Variants in EXTL3 observed in about 807,000 individuals in gnomAD.
The protein encoded by EXTL3 is exostosin like glycosyltransferase 3.
A neutral mutation model predicts 69.3 loss-of-function variants in EXTL3; 27 were observed. The observed-to-expected ratio is 0.39, with a 90% CI of 0.29 to 0.54. The LOEUF (loss-of-function observed/expected upper bound fraction) is 0.54. Ranked by LOEUF, EXTL3 falls within the 20% of genes least tolerant of loss-of-function variation. The pLI is 0.69. For synonymous variants in EXTL3, 511 were observed against 499.4 expected (o/e 1.02, Z -0.31); for missense variants, 1,003 against 1,231.8 (o/e 0.81, Z 2.78).
At chr8:28,734,644 G>T (rs927743118) in intron 4 of EXTL3, among the ~76,000 whole-genome samples, 1 of 152,320 alleles carries the variant, frequency 6.6e-6, no homozygotes, top group East Asian at 1.9e-4. Flanking sequence ...CCCAGGAGGT[G>T]GAGGTTGCAG....
chr8:28,713,492 T>C lies in EXTL3; in HGVS notation c.-534T>C. On this transcript the variant is annotated 5_prime_UTR_variant, in exon 2 of 7. Transcript: ENST00000220562. ...CCTGGAGGTTCACTCTTTCAAGAAG[T>C]CGTGTGCTGAGGTGTAATGCTACAC... The C allele has an allele frequency of 1.4e-6, 1 of 701,338 alleles. No individual in the cohort carries two copies. The highest frequency in any genetic ancestry group is 2.6e-6 in the Non-Finnish European group (1 of 384,536). 43.4% of individuals were successfully genotyped at this position (701,338 alleles called of 1,614,324 possible).
upstream of EXTL3, among the ~76,000 whole-genome samples, chr8:28,618,908 C>T (rs1335898711): frequency 2.0e-5 from 3 of 150,862 alleles, no homozygotes; most frequent in African/African-American, 4.9e-5. Context: ...CACGATGAAA[C>T]CCCATCTCTA....
intron 2 of EXTL3, among the ~76,000 whole-genome samples, chr8:28,610,678 T>G (rs1667997129): frequency 6.6e-6 from 1 of 152,132 alleles, no homozygotes; most frequent in Non-Finnish European, 1.5e-5. Flanking sequence ...ACTTGACAGA[T>G]GAAGAAATGG....
intron 1 of EXTL3, among the ~76,000 whole-genome samples, chr8:28,649,289 A>G (rs929395345): frequency 6.6e-6 from 1 of 152,180 alleles, no homozygotes; most frequent in African/African-American, 2.4e-5. Flanking sequence ...TGCTGGGCTT[A>G]GTGAGTGCAC....
At position 28,616,587 on chromosome 8, in the gene EXTL3, ACTGCACTCCAGC is replaced by A. The variant is rs548288227; in HGVS notation, n.314+8833_314+8844del. Among the ~76,000 whole-genome samples the A allele has an allele frequency of 2.3e-4, 35 of 152,032 alleles. No individual in the cohort carries two copies. The East Asian group carries it at 6.2e-3, about 27-fold the overall frequency. On this transcript the variant is annotated intron_variant and non_coding_transcript_variant, in intron 2 of 4. Transcript: ENST00000522725. The stretch of plus-strand genomic sequence containing the variant: ...GCTTGCAGTGAGCCGAGATCATGCC[ACTGCACTCCAGC>A]CTGGGCGACAGAGCGAGACTCCGTC...
Position 28,751,921 on chromosome 8 carries a change from CCTT to C in EXTL3, c.*1057_*1059del, listed in dbSNP as rs1466615554. The C allele has an allele frequency of 6.6e-6, 1 of 152,372 alleles. No homozygotes were observed. The highest frequency in any genetic ancestry group is 1.5e-5 in the Non-Finnish European group (1 of 68,174). 9.4% of individuals were successfully genotyped at this position (152,372 alleles called of 1,614,324 possible). A position where few individuals can be genotyped will look rare whatever the true frequency, so the allele number is the denominator to read the frequency against. ...TCCCTAGTGTAGAGCAAGCCAGTGT[CCTT>C]CGAGGAACCCACCCGGCTGGCCGGG... On this transcript the variant is annotated 3_prime_UTR_variant, in exon 7 of 7. Coordinates refer to ENST00000220562, the MANE Select transcript of EXTL3 (RefSeq NM_001440.4).
chr8:28,669,853 C>T (rs1807257166), intron 1 of EXTL3, among the ~76,000 whole-genome samples: 1 of 152,132 alleles, frequency 6.6e-6, no homozygotes, highest in Non-Finnish European at 1.5e-5. Flanking sequence ...GGGCTGAAAT[C>T]ACCACTGAGT....
intron 1 of EXTL3, among the ~76,000 whole-genome samples, chr8:28,636,171 A>T (rs1472315435): frequency 6.6e-6 from 1 of 151,986 alleles, no homozygotes; most frequent in African/African-American, 2.4e-5. Context: ...TCTCTACTAA[A>T]ATACAAAAAA....
intron 2 of EXTL3, among the ~76,000 whole-genome samples, chr8:28,609,389 A>G (rs1806242651): frequency 6.6e-6 from 1 of 151,802 alleles, no homozygotes. Context: ...TGGAGAGTGG[A>G]CTTGGGTGCA....
At chr8:28,653,286 A>G (rs1043885126) in intron 1 of EXTL3, among the ~76,000 whole-genome samples, 1 of 152,166 alleles carries the variant, frequency 6.6e-6, no homozygotes, top group African/African-American at 2.4e-5. Flanking sequence ...TATAGGATAT[A>G]TGATTTATAC....
upstream of EXTL3, among the ~76,000 whole-genome samples, chr8:28,619,106 A>C (rs1330658148): frequency 3.0e-4 from 44 of 148,624 alleles, no homozygotes; most frequent in Non-Finnish European, 5.4e-4. Context: ...AAAAAAAAAA[A>C]AAAAAAAAAA....
chr8:28,629,493 A>G (rs10503831), intron 1 of EXTL3, among the ~76,000 whole-genome samples: 7,598 of 152,140 alleles, frequency 0.05, 510 homozygotes, highest in Admixed American at 0.18. Flanking sequence ...TTTTCTATCT[A>G]GTAACAACCA....
intron 1 of EXTL3, among the ~76,000 whole-genome samples, chr8:28,633,757 G>GC (rs1192611385): frequency 2.0e-5 from 3 of 152,072 alleles, no homozygotes; most frequent in African/African-American, 7.2e-5. Flanking sequence ...GATGTTACAT[G>GC]CCATCTAAAG....
rs138226066 is a variant in EXTL3 at position 28,670,042 on chromosome 8, C to T, written c.-52-43415C>T. Among the ~76,000 whole-genome samples, 563 of 151,984 alleles carry T rather than the reference C, an allele frequency of 3.7e-3. 2 individuals carry two copies. Among genetic ancestry groups the T allele is most frequent in the Non-Finnish European group, 5.3e-3 (361 of 67,974 alleles). On this transcript the variant is annotated intron_variant, in intron 1 of 6. Coordinates refer to the EXTL3 transcript ENST00000523149. ...TGGGCAACATGGCAAAACCCCGTCT[C>T]GACCAAAAATACAAAAACTAGCTGG...
At chr8:28,673,433 GGAA>G (rs1393830307) in intron 1 of EXTL3, among the ~76,000 whole-genome samples, 1 of 152,184 alleles carries the variant, frequency 6.6e-6, no homozygotes, top group East Asian at 1.9e-4. Context: ...AAAAGGCAGA[GGAA>G]GAAGGAGTTT....
chr8:28,655,201 T>A (rs969180723), intron 1 of EXTL3, among the ~76,000 whole-genome samples: 2 of 152,144 alleles, frequency 1.3e-5, no homozygotes, highest in African/African-American at 2.4e-5. Flanking sequence ...ATCCTAGCAC[T>A]TTGGGAGGCC....
At chr8:28,617,300 T>C (rs1390709784) in intron 2 of EXTL3, among the ~76,000 whole-genome samples, 1 of 152,110 alleles carries the variant, frequency 6.6e-6, no homozygotes, top group Non-Finnish European at 1.5e-5. Context: ...ACAGTGGAAA[T>C]AAGATCTTAT....
upstream of EXTL3, chr8:28,697,941 T>A (rs1473394938): frequency 6.6e-6 from 1 of 152,196 alleles, no homozygotes; most frequent in Non-Finnish European, 1.5e-5. Context: ...CTGTAAAATG[T>A]CAAAATATGG....
At chr8:28,615,777 T>C (rs1806323083) in intron 2 of EXTL3, among the ~76,000 whole-genome samples, 2 of 152,010 alleles carry the variant, frequency 1.3e-5, no homozygotes, top group African/African-American at 4.8e-5. Context: ...TTTTACCATG[T>C]TGGCCAGGCT....
Sources: gnomAD v4.1 joint callset for allele counts (sites outside exome capture counted in the v4.1 genomes callset) on GRCh38, gnomAD v4.1.1 for gene constraint, MANE v1.5 for transcripts, NCBI Gene and HGNC (gene_info 2026-07-23, HGNC 2026-07-21) for gene names.